Variants in ZNF385D observed in about 807,000 individuals in gnomAD.
ZNF385D encodes zinc finger protein 659.
ZNF385D carries 15 observed loss-of-function variants against 35.8 expected under a neutral mutation model. The observed-to-expected ratio is 0.42, with a 90% CI of 0.28 to 0.64. The LOEUF (loss-of-function observed/expected upper bound fraction) is 0.64. Among genes scored for constraint, ZNF385D ranks in the 30% least tolerant of loss-of-function variants. The pLI is 0.23. For synonymous variants in ZNF385D, 212 were observed against 186.8 expected (o/e 1.13, Z -1.10); for missense variants, 474 against 494.6 (o/e 0.96, Z 0.39).
chr3:22,049,835 C>A (rs1214137070), intron 3 of ZNF385D, among the ~76,000 whole-genome samples: 2 of 152,032 alleles, frequency 1.3e-5, no homozygotes, highest in Non-Finnish European at 2.9e-5. Flanking sequence ...TCTTTGCATC[C>A]TAGTAATAAA....
chr3:22,025,312 T>C (rs981516647), intron 3 of ZNF385D, among the ~76,000 whole-genome samples: 6 of 152,112 alleles, frequency 3.9e-5, no homozygotes, highest in Non-Finnish European at 5.9e-5. Flanking sequence ...TGATTCTCCT[T>C]AGAAGCCACC....
At chr3:22,261,991 G>A (rs1391369181) in intron 2 of ZNF385D, among the ~76,000 whole-genome samples, 1 of 151,940 alleles carries the variant, frequency 6.6e-6, no homozygotes, top group Non-Finnish European at 1.5e-5. Context: ...AAGGAAGCCT[G>A]ACTGGTAGAA....
In ZNF385D at chr3:21,482,056, T is replaced by C. The variant is rs567662831; in HGVS notation, c.439+28805A>G. ...CCTTCAATAATTGTATTAACTTTCT[T>C]TGAAGTAAGGAGGACAGAACTGAGT... On this transcript the variant is annotated intron_variant, in intron 4 of 7. Coordinates refer to ENST00000281523, the MANE Select transcript of ZNF385D (RefSeq NM_024697.3). 1.6e-4 allele frequency among the ~76,000 whole-genome samples: 25 copies of C among 152,248 alleles called. 1 individual carries two copies. Among genetic ancestry groups the C allele is most frequent in the African/African-American group, 6.0e-4 (25 of 41,562 alleles).
chr3:21,518,938 T>C (rs1424999248), intron 3 of ZNF385D, among the ~76,000 whole-genome samples: 1 of 152,216 alleles, frequency 6.6e-6, no homozygotes, highest in Non-Finnish European at 1.5e-5. Context: ...GTAGTTATCA[T>C]GTAAATAGAA....
intron 2 of ZNF385D, among the ~76,000 whole-genome samples, chr3:22,333,435 T>TA (rs1287222146): frequency 6.6e-6 from 1 of 152,026 alleles, no homozygotes; most frequent in Admixed American, 6.6e-5. Context: ...TATGGTCCCA[T>TA]AAGGCTGTAA....
intron 3 of ZNF385D, among the ~76,000 whole-genome samples, chr3:22,049,381 C>T (rs1478901317): frequency 3.3e-5 from 5 of 151,612 alleles, no homozygotes; most frequent in African/African-American, 7.3e-5. Flanking sequence ...TGCAACTTTA[C>T]TGTAGTTGTT....
intron 1 of ZNF385D, among the ~76,000 whole-genome samples, chr3:21,669,274 G>A (rs1245780435): frequency 6.6e-6 from 1 of 152,132 alleles, no homozygotes; most frequent in African/African-American, 2.4e-5. Flanking sequence ...ACTGAATAAG[G>A]TACTGAATAA....
At chr3:21,618,383 G>C (rs1395142496) in intron 2 of ZNF385D, among the ~76,000 whole-genome samples, 1 of 152,192 alleles carries the variant, frequency 6.6e-6, no homozygotes, top group Non-Finnish European at 1.5e-5. Flanking sequence ...GGCAAAGAAG[G>C]ATTCTTGTCT....
intron 4 of ZNF385D, among the ~76,000 whole-genome samples, chr3:21,493,647 T>C (rs1240595294): frequency 6.6e-6 from 1 of 151,824 alleles, no homozygotes; most frequent in Non-Finnish European, 1.5e-5. Context: ...CTTTTTTTTT[T>C]TGAGATGGGT....
At chr3:21,497,602 T>A (rs1706005567) in intron 4 of ZNF385D, among the ~76,000 whole-genome samples, 1 of 152,086 alleles carries the variant, frequency 6.6e-6, no homozygotes, top group Non-Finnish European at 1.5e-5. Flanking sequence ...CCCAGCAATT[T>A]GGGAGGCTGA....
At chr3:22,093,829 C>G (rs948404282) in intron 3 of ZNF385D, among the ~76,000 whole-genome samples, 1 of 152,038 alleles carries the variant, frequency 6.6e-6, no homozygotes, top group Non-Finnish European at 1.5e-5. Flanking sequence ...AAGTTTTGTA[C>G]TAAGATTTAC....
intron 2 of ZNF385D, among the ~76,000 whole-genome samples, chr3:22,321,376 T>C (rs1694423675): frequency 6.6e-6 from 1 of 152,070 alleles, no homozygotes; most frequent in Non-Finnish European, 1.5e-5. Flanking sequence ...AAAAATTATT[T>C]ATTTTTGAGA....
At chr3:21,892,974 C>A (rs1698952941) in intron 3 of ZNF385D, among the ~76,000 whole-genome samples, 1 of 151,894 alleles carries the variant, frequency 6.6e-6, no homozygotes, top group Non-Finnish European at 1.5e-5. Flanking sequence ...GTATTTGGTC[C>A]TATGTAAAGT....
In ZNF385D at chr3:22,218,727, T is replaced by G. The variant is rs139889604; in HGVS notation, c.107-49692A>C. ...CAGTAACTGGGTGAATATTATTAAT[T>G]GTCTTTCTCCTGGCTCTCAGCAACA... On this transcript the variant is annotated intron_variant, in intron 2 of 5. Coordinates refer to the ZNF385D transcript ENST00000494108. Among the ~76,000 whole-genome samples the G allele has an allele frequency of 7.8e-3, 1,189 of 152,258 alleles. 13 individuals carry two copies. The highest frequency in any genetic ancestry group is 0.024 in the Middle Eastern group (7 of 294).
intron 3 of ZNF385D, among the ~76,000 whole-genome samples, chr3:21,922,511 C>T (rs1283216004): frequency 6.6e-6 from 1 of 152,070 alleles, no homozygotes; most frequent in Admixed American, 6.5e-5. Context: ...TGATCTTTGA[C>T]AAAGTCAACA....
intron 3 of ZNF385D, among the ~76,000 whole-genome samples, chr3:21,896,223 G>C (rs564841580): frequency 1.3e-5 from 2 of 152,186 alleles, no homozygotes; most frequent in African/African-American, 4.8e-5. Context: ...TACATCACCT[G>C]AACAGTTTAC....
chr3:21,872,891 C>T (rs1005189984), intron 3 of ZNF385D, among the ~76,000 whole-genome samples: 11 of 151,978 alleles, frequency 7.2e-5, no homozygotes, highest in Non-Finnish European at 1.5e-4. Flanking sequence ...AAAAGAGGTG[C>T]CACAAAAACA....
At chr3:21,546,066 T>A (rs2062359884) in intron 3 of ZNF385D, among the ~76,000 whole-genome samples, 2 of 151,544 alleles carry the variant, frequency 1.3e-5, no homozygotes, top group South Asian at 4.2e-4. Context: ...CCTATCATAT[T>A]TTTTTTTTGG....
chr3:21,576,766 A>C (rs959312849), intron 2 of ZNF385D, among the ~76,000 whole-genome samples: 16 of 152,318 alleles, frequency 1.1e-4, no homozygotes, highest in Middle Eastern at 3.4e-3. Context: ...CTACAGTTAG[A>C]GAAAAAAACA....
Sources: gnomAD v4.1 joint callset for allele counts (sites outside exome capture counted in the v4.1 genomes callset) on GRCh38, gnomAD v4.1.1 for gene constraint, MANE v1.5 for transcripts, NCBI Gene and HGNC (gene_info 2026-07-23, HGNC 2026-07-21) for gene names.